PPFIA2: variants seen among roughly 807,000 people sequenced by gnomAD.
PPFIA2 encodes the protein PPFI scaffold protein A2.
PPFIA2 carries 46 observed loss-of-function variants against 175.5 expected under a neutral mutation model. The observed-to-expected ratio is 0.26, with a 90% CI of 0.21 to 0.34. The LOEUF (loss-of-function observed/expected upper bound fraction) is 0.34, where lower values mean the gene tolerates loss of function less well. Among genes scored for constraint, PPFIA2 ranks in the 10% least tolerant of loss-of-function variants. The pLI is 1.00. For synonymous variants in PPFIA2, 568 were observed against 511.4 expected (o/e 1.11, Z -1.49); for missense variants, 1,179 against 1,506.1 (o/e 0.78, Z 3.60).
intron 21 of PPFIA2, among the ~76,000 whole-genome samples, chr12:81,336,780 T>A (rs1315734848): frequency 6.6e-6 from 1 of 152,168 alleles, no homozygotes. Flanking sequence ...TTCCCGTAGT[T>A]CTTTCCCTGG....
At chr12:81,559,876 T>A (rs1179230733) in intron 4 of PPFIA2, among the ~76,000 whole-genome samples, 1 of 151,866 alleles carries the variant, frequency 6.6e-6, no homozygotes, top group Non-Finnish European at 1.5e-5. Flanking sequence ...TTGACACACA[T>A]CGTTTCAAAT....
At chr12:81,647,956 GA>G (rs1228594562) in intron 4 of PPFIA2, among the ~76,000 whole-genome samples, 3 of 146,154 alleles carry the variant, frequency 2.1e-5, no homozygotes, top group Admixed American at 1.4e-4. Flanking sequence ...CTTCTTGTCA[GA>G]AGCATTGAAA....
rs2078753849 is a variant in PPFIA2 at position 81,717,287 on chromosome 12, CTTT to C, written c.249+36683_249+36685del. Among the ~76,000 whole-genome samples, 3 of 143,568 alleles carry C rather than the reference CTTT, an allele frequency of 2.1e-5. No individual in the cohort carries two copies. In the South Asian group the frequency reaches 6.7e-4, roughly 32 times the overall value. The allele number at this position is 143,568 out of a possible 152,430, so 94.2% of individuals were successfully genotyped here. ...TGATGTGGCATGAAACAGTGTTCTT[CTTT>C]TGTTCTTTTCAACCCTTTAAAAATG... On this transcript the variant is annotated intron_variant, in intron 3 of 32. Transcript: ENST00000549396.
chr12:81,741,099 T>C (rs892846746), intron 3 of PPFIA2, among the ~76,000 whole-genome samples: 5 of 152,214 alleles, frequency 3.3e-5, no homozygotes, highest in African/African-American at 1.2e-4. Flanking sequence ...TCAATATCTC[T>C]TAAAAATTCC....
chr12:81,302,136 G>T, intron 22 of PPFIA2: 1 of 387,308 alleles, frequency 2.6e-6, no homozygotes, highest in Non-Finnish European at 5.1e-6. Flanking sequence ...AGTAAATTGT[G>T]TCCTATAATG....
chr12:81,386,983 C>T (rs1007866428), intron 8 of PPFIA2, among the ~76,000 whole-genome samples: 1 of 152,080 alleles, frequency 6.6e-6, no homozygotes, highest in African/African-American at 2.4e-5. Context: ...ATAAAATGCA[C>T]ACATGCCCAT....
intron 4 of PPFIA2, among the ~76,000 whole-genome samples, chr12:81,559,477 C>T (rs1402403150): frequency 6.6e-6 from 1 of 152,066 alleles, no homozygotes; most frequent in African/African-American, 2.4e-5. Context: ...AATTTTTATT[C>T]CAAAGCTAAG....
At chr12:81,561,627 T>G (rs971343832) in intron 4 of PPFIA2, among the ~76,000 whole-genome samples, 2 of 152,212 alleles carry the variant, frequency 1.3e-5, no homozygotes, top group Non-Finnish European at 2.9e-5. Flanking sequence ...AAATTTTATA[T>G]TCTCTGGAGT....
intron 3 of PPFIA2, among the ~76,000 whole-genome samples, chr12:81,698,626 GT>G (rs1244613070): frequency 3.3e-5 from 5 of 152,116 alleles, no homozygotes; most frequent in African/African-American, 1.2e-4. Context: ...TAAATATTTT[GT>G]TTATCATTTG....
At position 81,639,758 on chromosome 12, in the gene PPFIA2, CGATAT is replaced by C. The variant is rs2064695239; in HGVS notation, c.303+37028_303+37032del. 3.9e-5 allele frequency among the ~76,000 whole-genome samples: 6 copies of C among 152,026 alleles called. No individual in the cohort carries two copies. In the South Asian group the frequency reaches 8.3e-4, roughly 21 times the overall value. ...GTCTTTTGAATAGGACTGAAAATAA[CGATAT>C]AATATTTCACTGTAGAATTTGCATT... On this transcript the variant is annotated intron_variant, in intron 4 of 32. Transcript: ENST00000549396.
intron 4 of PPFIA2, among the ~76,000 whole-genome samples, chr12:81,596,619 A>G (rs1456963014): frequency 1.3e-5 from 2 of 152,130 alleles, no homozygotes; most frequent in African/African-American, 4.8e-5. Context: ...TATGGAATGA[A>G]CTGACCCTTA....
intron 4 of PPFIA2, among the ~76,000 whole-genome samples, chr12:81,549,087 G>A (rs1244361728): frequency 1.3e-5 from 2 of 152,048 alleles, no homozygotes; most frequent in Non-Finnish European, 2.9e-5. Context: ...CACACAAGTA[G>A]TGAATCATTT....
At chr12:81,332,168 C>T (rs2056254087) in intron 21 of PPFIA2, among the ~76,000 whole-genome samples, 1 of 151,938 alleles carries the variant, frequency 6.6e-6, no homozygotes, top group Admixed American at 6.6e-5. Context: ...GAACTCAGAT[C>T]ATCTTATTTC....
chr12:81,584,996 A>AATATATT (rs10639600), intron 4 of PPFIA2, among the ~76,000 whole-genome samples: 81 of 15,076 alleles, frequency 5.4e-3, no homozygotes, highest in African/African-American at 0.013. Flanking sequence ...ATTTATATAT[A>AATATATT]ATATATTAAT....
At chr12:81,512,210 A>T in intron 4 of PPFIA2, 2 of 692,688 alleles carry the variant, frequency 2.9e-6, no homozygotes, top group Non-Finnish European at 4.4e-6. Context: ...ATCATCCCTT[A>T]CTTAAAGTCC....
At chr12:81,661,755 A>G (rs2068917434) in intron 4 of PPFIA2, among the ~76,000 whole-genome samples, 1 of 152,210 alleles carries the variant, frequency 6.6e-6, no homozygotes, top group African/African-American at 2.4e-5. Context: ...CATTCTTCTC[A>G]GCACCACACC....
chr12:81,348,166 T>G (rs1241914582), intron 17 of PPFIA2, among the ~76,000 whole-genome samples: 6 of 152,144 alleles, frequency 3.9e-5, no homozygotes, highest in Admixed American at 3.3e-4. Context: ...GGCAAAGGAC[T>G]AGCAATAGCT....
At chr12:81,588,844 A>ACTGTACT (rs953121330) in intron 4 of PPFIA2, among the ~76,000 whole-genome samples, 1 of 152,028 alleles carries the variant, frequency 6.6e-6, no homozygotes, top group Non-Finnish European at 1.5e-5. Flanking sequence ...AACCACCTGG[A>ACTGTACT]CTGTACTCAG....
intron 4 of PPFIA2, among the ~76,000 whole-genome samples, chr12:81,466,654 G>A (rs1027086041): frequency 5.9e-5 from 9 of 151,910 alleles, no homozygotes; most frequent in Non-Finnish European, 1.2e-4. Flanking sequence ...CTAGAGATGA[G>A]TCAGCTTGTT....
Sources: allele counts gnomAD v4.1 joint callset (sites outside exome capture counted in the v4.1 genomes callset), GRCh38; gene constraint gnomAD v4.1.1; transcripts MANE v1.5; gene names NCBI Gene and HGNC (gene_info 2026-07-23, HGNC 2026-07-21).